The following ADGRL2 variants were observed in gnomAD, a reference collection of about 807,000 sequenced individuals.
The protein encoded by ADGRL2 is adhesion G protein-coupled receptor L2.
A neutral mutation model predicts 157.4 loss-of-function variants in ADGRL2; 44 were observed. That is an observed-to-expected ratio of 0.28 (90% CI 0.22 to 0.36). The LOEUF is 0.36. Ranked by LOEUF, ADGRL2 falls within the 10% of genes least tolerant of loss-of-function variation. The pLI, the probability that ADGRL2 is intolerant of heterozygous loss-of-function variation, is 1.00. For synonymous variants in ADGRL2, 585 were observed against 624.7 expected, an observed-to-expected ratio of 0.94 and a Z score of 0.95; for missense variants, 1,510 against 1,768.9, an observed-to-expected ratio of 0.85 and a Z score of 2.63.
At chr1:81,884,428 C>T (rs2094074657) in intron 2 of ADGRL2, among the ~76,000 whole-genome samples, 1 of 152,112 alleles carries the variant, frequency 6.6e-6, no homozygotes, top group Non-Finnish European at 1.5e-5. Flanking sequence ...TAAACGTCTA[C>T]CAGACTTTCT....
At chr1:81,904,837 G>A (rs2094554913) in intron 2 of ADGRL2, among the ~76,000 whole-genome samples, 1 of 152,010 alleles carries the variant, frequency 6.6e-6, no homozygotes, top group Non-Finnish European at 1.5e-5. Context: ...AACCGGCGAG[G>A]CAGAGGTTGC....
intron 1 of ADGRL2, among the ~76,000 whole-genome samples, chr1:81,374,991 C>A (rs372394327): frequency 2.0e-5 from 3 of 152,156 alleles, no homozygotes; most frequent in East Asian, 3.9e-4. Context: ...GGGTGAGATA[C>A]CATGCCCAGC....
At chr1:81,308,606 C>T (rs944161627) in intron 1 of ADGRL2, among the ~76,000 whole-genome samples, 1 of 152,150 alleles carries the variant, frequency 6.6e-6, no homozygotes, top group Admixed American at 6.5e-5. Context: ...GAGACATTCT[C>T]TTTTCAACCA....
intron 1 of ADGRL2, chr1:81,722,600 C>A (rs766048695): frequency 1.9e-5 from 27 of 1,444,542 alleles, no homozygotes; most frequent in Non-Finnish European, 3.8e-6. Flanking sequence ...GAAGATGTAG[C>A]CCATGATCTT....
intron 1 of ADGRL2, among the ~76,000 whole-genome samples, chr1:81,747,771 C>T (rs1203948065): frequency 2.0e-5 from 3 of 149,800 alleles, no homozygotes; most frequent in South Asian, 2.1e-4. Flanking sequence ...GAGAAAGAGA[C>T]AAAGTATGTG....
intron 2 of ADGRL2, among the ~76,000 whole-genome samples, chr1:81,548,403 A>G (rs1304933529): frequency 6.6e-6 from 1 of 151,872 alleles, no homozygotes; most frequent in Non-Finnish European, 1.5e-5. Context: ...AGGCTAAGGT[A>G]ATTTTTCATA....
At chr1:81,314,590 G>A (rs1406357647) in intron 1 of ADGRL2, among the ~76,000 whole-genome samples, 1 of 152,136 alleles carries the variant, frequency 6.6e-6, no homozygotes, top group African/African-American at 2.4e-5. Flanking sequence ...ACACAAACAT[G>A]CTTCCTTTAT....
At chr1:81,982,074 TGTTA>T in intron 19 of ADGRL2, 98 bp downstream of exon 19, 1 of 960,826 alleles carries the variant, frequency 1.0e-6, no homozygotes, top group Non-Finnish European at 1.5e-6. Context: ...TCTGGCATAT[TGTTA>T]AAGAGCATTA....
rs1373854520 is a variant in ADGRL2, at chr1:81,774,366, C to T, written c.-101+12514C>T. Among the ~76,000 whole-genome samples the T allele has an allele frequency of 1.9e-4, 29 of 152,186 alleles. 1 individual carries two copies. ...AACCATTCATACTCATGATGGCAAA[C>T]ACATTAGATTGTGAGGTTGCTGAGA... On this transcript the variant is annotated intron_variant, in intron 2 of 20. Transcript: ENST00000359929.
At chr1:81,320,506 C>T (rs961440414) in intron 1 of ADGRL2, among the ~76,000 whole-genome samples, 2 of 152,172 alleles carry the variant, frequency 1.3e-5, no homozygotes, top group Non-Finnish European at 2.9e-5. Flanking sequence ...GATCATAAGA[C>T]TTGAAGGTCA....
At chr1:81,881,307 C>A (rs1421961353) in intron 2 of ADGRL2, among the ~76,000 whole-genome samples, 1 of 152,152 alleles carries the variant, frequency 6.6e-6, no homozygotes, top group Non-Finnish European at 1.5e-5. Flanking sequence ...TCCCGAGTAG[C>A]TGAGACTACA....
At chr1:81,399,892 T>C (rs555151446) in intron 1 of ADGRL2, among the ~76,000 whole-genome samples, 1 of 152,302 alleles carries the variant, frequency 6.6e-6, no homozygotes, top group African/African-American at 2.4e-5. Flanking sequence ...TTGATGTCTG[T>C]GCATCTGGTG....
intron 2 of ADGRL2, among the ~76,000 whole-genome samples, chr1:81,780,907 T>A (rs1489499552): frequency 6.6e-6 from 1 of 152,178 alleles, no homozygotes; most frequent in Non-Finnish European, 1.5e-5. Context: ...AGGGTGGTAA[T>A]CCTTGTTCTG....
intron 2 of ADGRL2, among the ~76,000 whole-genome samples, chr1:81,859,180 C>G (rs2093308663): frequency 6.6e-6 from 1 of 152,012 alleles, no homozygotes; most frequent in South Asian, 2.1e-4. Flanking sequence ...ATAATTTGAG[C>G]ATCAGATTAT....
At chr1:81,709,539 C>T (rs1324307497) in intron 1 of ADGRL2, among the ~76,000 whole-genome samples, 3 of 137,228 alleles carry the variant, frequency 2.2e-5, no homozygotes, top group African/African-American at 8.0e-5. Flanking sequence ...AAAGTAAACA[C>T]AAAAAACAAA....
At chr1:81,529,247 T>G (rs183063870) in intron 2 of ADGRL2, among the ~76,000 whole-genome samples, 1 of 152,218 alleles carries the variant, frequency 6.6e-6, no homozygotes, top group Non-Finnish European at 1.5e-5. Context: ...GTTGCTATAG[T>G]GCAGAGGTGA....
At chr1:81,451,742 A>G (rs2077706326) in intron 2 of ADGRL2, among the ~76,000 whole-genome samples, 1 of 152,142 alleles carries the variant, frequency 6.6e-6, no homozygotes, top group South Asian at 2.1e-4. Context: ...TATAAATCCT[A>G]TGCAGTCTTA....
chr1:81,344,299 A>C (rs1662304092), intron 1 of ADGRL2, among the ~76,000 whole-genome samples: 1 of 152,162 alleles, frequency 6.6e-6, no homozygotes, highest in Non-Finnish European at 1.5e-5. Context: ...TTATAAACAG[A>C]AATGGCAAAT....
chr1:81,413,150 C>G (rs911238821), intron 1 of ADGRL2, among the ~76,000 whole-genome samples: 1 of 152,130 alleles, frequency 6.6e-6, no homozygotes, highest in Non-Finnish European at 1.5e-5. Context: ...TGTAGCCCTC[C>G]ACCCACCTCA....
Sources: gnomAD v4.1 joint callset for allele counts (sites outside exome capture counted in the v4.1 genomes callset) on GRCh38, gnomAD v4.1.1 for gene constraint, MANE v1.5 for transcripts, NCBI Gene and HGNC (gene_info 2026-07-23, HGNC 2026-07-21) for gene names.